CNTNAP2: variants seen among roughly 807,000 people sequenced by gnomAD.
The protein encoded by CNTNAP2 is contactin associated protein 2, also known as contactin-associated protein-like 2.
A neutral mutation model predicts 155.2 loss-of-function variants in CNTNAP2; 98 were observed. That is an observed-to-expected ratio of 0.63 (90% confidence interval 0.54 to 0.75). CNTNAP2 has a LOEUF of 0.75. Ranked by LOEUF, CNTNAP2 falls within the 30% of genes least tolerant of loss-of-function variation. The pLI is 0.00. For missense variants in CNTNAP2, 1,727 were observed against 1,688.1 expected (o/e 1.02, Z -0.40); for synonymous variants, 651 against 631.2 (o/e 1.03, Z -0.47).
chr7:147,332,872 A>C (rs911977710), intron 9 of CNTNAP2, among the ~76,000 whole-genome samples: 10 of 152,254 alleles, frequency 6.6e-5, no homozygotes, highest in South Asian at 2.1e-4. Context: ...AAAAAATAAT[A>C]ATCATCATAA....
chr7:146,697,166 C>T (rs948805568), intron 1 of CNTNAP2, among the ~76,000 whole-genome samples: 3 of 152,166 alleles, frequency 2.0e-5, no homozygotes, highest in Non-Finnish European at 4.4e-5. Flanking sequence ...TGTATTTTGA[C>T]ACTCCATTAG....
intron 1 of CNTNAP2, among the ~76,000 whole-genome samples, chr7:146,739,247 T>A (rs1801669752): frequency 2.0e-5 from 3 of 151,996 alleles, no homozygotes; most frequent in African/African-American, 7.2e-5. Context: ...TGAGATCTTC[T>A]TTTTTGATAT....
chr7:147,021,947 A>G (rs1176325206), intron 3 of CNTNAP2, among the ~76,000 whole-genome samples: 2 of 152,134 alleles, frequency 1.3e-5, no homozygotes, highest in Non-Finnish European at 2.9e-5. Flanking sequence ...AATATATTTT[A>G]GGTATGGCTA....
intron 1 of CNTNAP2, among the ~76,000 whole-genome samples, chr7:146,567,135 T>C (rs1440808175): frequency 6.6e-6 from 1 of 152,186 alleles, no homozygotes; most frequent in African/African-American, 2.4e-5. Context: ...TCTGCCACCC[T>C]TCTGTAATAA....
At chr7:148,220,633 A>G (rs1256072958) in intron 19 of CNTNAP2, among the ~76,000 whole-genome samples, 2 of 75,936 alleles carry the variant, frequency 2.6e-5, no homozygotes, top group Non-Finnish European at 7.2e-5. Context: ...ATATAGGGAT[A>G]GAAAAAAAAA....
Position 146,824,279 on chromosome 7 carries a change from G to A in CNTNAP2, c.209-15432G>A, listed in dbSNP as rs993539899. On this transcript the variant is annotated intron_variant, in intron 2 of 23. Coordinates refer to ENST00000361727, the MANE Select transcript of CNTNAP2 (RefSeq NM_014141.6). ...ATATGTGACACATTTTCTTTATTCAGTCTATCATTGATGGGCATTTGGGTT... is the reference window on the plus strand; with the variant it reads ...ATATGTGACACATTTTCTTTATTCAATCTATCATTGATGGGCATTTGGGTT... Among the ~76,000 whole-genome samples, 3 of 152,054 alleles carry A rather than the reference G, an allele frequency of 2.0e-5. No individual in the cohort carries two copies. In the South Asian group the frequency reaches 6.2e-4, roughly 31 times the overall value.
Position 147,209,243 on chromosome 7 carries a change from A to G in CNTNAP2, c.1348+76734A>G, listed in dbSNP as rs532101881. On this transcript the variant is annotated intron_variant, in intron 8 of 23. Coordinates refer to ENST00000361727, the MANE Select transcript of CNTNAP2 (RefSeq NM_014141.6). ...ATTCATGAGCAAGGAATGTTTTTCT[A>G]TTTGCTTGTGTCATCTGTGATTTCT... Among the ~76,000 whole-genome samples the G allele has an allele frequency of 4.6e-5, 7 of 151,978 alleles. No individual in the cohort carries two copies. In the East Asian group the frequency reaches 5.8e-4, roughly 13 times the overall value.
intron 9 of CNTNAP2, among the ~76,000 whole-genome samples, chr7:147,346,064 A>C (rs1399116454): frequency 6.6e-6 from 1 of 152,214 alleles, no homozygotes; most frequent in African/African-American, 2.4e-5. Context: ...CTACAAAGGA[A>C]AACTAAATAT....
At chr7:146,587,148 C>G (rs1309885961) in intron 1 of CNTNAP2, among the ~76,000 whole-genome samples, 3 of 151,996 alleles carry the variant, frequency 2.0e-5, no homozygotes, top group Non-Finnish European at 2.9e-5. Flanking sequence ...CTTGATACCA[C>G]AAAAGGTGTC....
At chr7:146,664,372 A>G (rs2642506) in intron 1 of CNTNAP2, among the ~76,000 whole-genome samples, 122,608 of 151,584 alleles carry the variant, frequency 0.81, 50,192 homozygotes, top group South Asian at 0.91. Flanking sequence ...TGTTGGCCAG[A>G]CTGGTCTCAA....
intron 14 of CNTNAP2, among the ~76,000 whole-genome samples, chr7:147,919,459 C>CTTTCTTTATTTTTTTTTTT: frequency 2.0e-5 from 1 of 51,230 alleles, no homozygotes; most frequent in African/African-American, 1.1e-4. Flanking sequence ...CTTTTTCTTT[C>CTTTCTTTATTTTTTTTTTT]TTTTTTTTTT....
intron 1 of CNTNAP2, among the ~76,000 whole-genome samples, chr7:146,581,660 A>C (rs1274684875): frequency 8.2e-5 from 3 of 36,616 alleles, no homozygotes; most frequent in African/African-American, 3.9e-4. Flanking sequence ...CATTTTTAGC[A>C]AAAAAAAAAA....
chr7:147,347,422 A>T (rs1476603513), intron 9 of CNTNAP2, among the ~76,000 whole-genome samples: 11 of 51,954 alleles, frequency 2.1e-4, no homozygotes, highest in African/African-American at 8.4e-4. Flanking sequence ...TGAAAAGATT[A>T]TATATATATA....
intron 1 of CNTNAP2, among the ~76,000 whole-genome samples, chr7:146,347,561 T>C (rs1025032673): frequency 6.6e-6 from 1 of 152,152 alleles, no homozygotes; most frequent in African/African-American, 2.4e-5. Context: ...AGCATTGGCT[T>C]TTTTTATTTG....
rs539447747 is a variant in CNTNAP2, at chr7:146,174,048, C to A, written c.97+57075C>A. Among the ~76,000 whole-genome samples the A allele has an allele frequency of 8.6e-5, 13 of 151,784 alleles. No individual in the cohort carries two copies. In the East Asian group the frequency reaches 2.1e-3, roughly 25 times the overall value. ...AGTGATACCCTATCTCTACAAAAAA[C>A]AAAAATAATAACCAGAGATGGTTGT... On this transcript the variant is annotated intron_variant, in intron 1 of 23. Coordinates refer to ENST00000361727, the MANE Select transcript of CNTNAP2 (RefSeq NM_014141.6).
At position 147,997,995 on chromosome 7, in the gene CNTNAP2, T is replaced by C. The variant is rs549217968; in HGVS notation, c.2383+20006T>C. On this transcript the variant is annotated intron_variant, in intron 15 of 23. Transcript: ENST00000361727. ...CTACAGGGGGAGTCCCTAATGAAGATAGCTTTGCTTGAACGAGCTCAATTA... is the reference window on the plus strand; with the variant it reads ...CTACAGGGGGAGTCCCTAATGAAGACAGCTTTGCTTGAACGAGCTCAATTA... Among the ~76,000 whole-genome samples the C allele has an allele frequency of 3.5e-4, 53 of 152,142 alleles. 1 individual carries two copies. The South Asian group carries it at 0.011, about 31-fold the overall frequency.
chr7:148,247,762 T>C (rs1282357347), intron 20 of CNTNAP2, among the ~76,000 whole-genome samples: 1 of 151,750 alleles, frequency 6.6e-6, no homozygotes, highest in African/African-American at 2.4e-5. Flanking sequence ...CAAGCGATTC[T>C]CCTGCCTCAG....
chr7:146,127,318 A>C lies in CNTNAP2; in HGVS notation c.97+10345A>C, dbSNP rs558864732. The stretch of plus-strand genomic sequence containing the variant: ...CCCTGTGGCAATTTGCTCTAATCAC[A>C]GGTGAAATACTAAGACGCAGCAGGC... On this transcript the variant is annotated intron_variant, in intron 1 of 23. Coordinates refer to ENST00000361727, the MANE Select transcript of CNTNAP2 (RefSeq NM_014141.6). Among the ~76,000 whole-genome samples, 6 of 152,330 alleles carry C rather than the reference A, an allele frequency of 3.9e-5. 1 individual carries two copies. The South Asian group carries it at 1.2e-3, about 32-fold the overall frequency.
chr7:147,709,334 C>A (rs1193804389), intron 13 of CNTNAP2, among the ~76,000 whole-genome samples: 1 of 152,140 alleles, frequency 6.6e-6, no homozygotes, highest in Non-Finnish European at 1.5e-5. Flanking sequence ...TTACTTTTTT[C>A]TTTAATTGGT....
Sources: allele counts gnomAD v4.1 joint callset (sites outside exome capture counted in the v4.1 genomes callset), GRCh38; gene constraint gnomAD v4.1.1; transcripts MANE v1.5; gene names NCBI Gene and HGNC (gene_info 2026-07-23, HGNC 2026-07-21).